ZNF365: variants seen among roughly 807,000 people sequenced by gnomAD.
The protein encoded by ZNF365 is protein ZNF365.
Under a neutral mutation model 35.0 loss-of-function variants are expected in ZNF365, and 22 were observed. The observed-to-expected ratio is 0.63, with a 90% confidence interval of 0.45 to 0.90. ZNF365 has a LOEUF of 0.90. ZNF365 is among the 40% of genes least tolerant of loss of function. ZNF365 has a pLI of 0.00. For missense variants in ZNF365, 448 were observed against 500.3 expected, an observed-to-expected ratio of 0.90 and a Z score of 1.00; for synonymous variants, 188 against 196.2, an observed-to-expected ratio of 0.96 and a Z score of 0.35.
At chr10:62,382,487 A>C (rs936279792) in intron 2 of ZNF365, among the ~76,000 whole-genome samples, 1 of 152,188 alleles carries the variant, frequency 6.6e-6, no homozygotes, top group Non-Finnish European at 1.5e-5. Context: ...AACCCAGGAA[A>C]GTTTTCAATT....
chr10:62,440,025 C>T (rs1840470452), intron 3 of ZNF365, among the ~76,000 whole-genome samples: 1 of 152,126 alleles, frequency 6.6e-6, no homozygotes, highest in Non-Finnish European at 1.5e-5. Context: ...TGAAATTAGT[C>T]TCATATGCTT....
chr10:62,376,228 C>T lies in ZNF365; in HGVS notation c.35C>T (p.Pro12Leu), dbSNP rs770470037. 1 of 1,614,094 alleles carries T rather than the reference C, an allele frequency of 6.2e-7. No individual in the cohort carries two copies. Among genetic ancestry groups the T allele is most frequent in the Non-Finnish European group, 8.5e-7 (1 of 1,180,022 alleles). ...AAGGCTTTTGAGGAAAGCAGATATCCCTGGCAGGAGTCCTTTGAGAATGTT... is the reference window on the plus strand; with the variant it reads ...AAGGCTTTTGAGGAAAGCAGATATCTCTGGCAGGAGTCCTTTGAGAATGTT... ...QQKAFEESRY[P>L]WQESFENVAV... Residue 12 changes from proline to leucine, a missense_variant, in exon 2 of 5, where the codon CCC (proline) becomes CTC (leucine). Physicochemically the swap from Pro to Leu is moderately conservative, Grantham distance 98 (BLOSUM62 -3). This residue lies in a region of ZNF365 where 76 missense variants were observed against 96.7 expected (regional missense o/e 0.79). Coordinates refer to ENST00000395254, the MANE Select transcript of ZNF365 (RefSeq NM_014951.3).
Position 62,464,129 on chromosome 10 carries a change from A to C in ZNF365, c.981+4332A>C, listed in dbSNP as rs1414417894. Among the ~76,000 whole-genome samples, 2 of 152,192 alleles carry C rather than the reference A, an allele frequency of 1.3e-5. 1 individual carries two copies. Among genetic ancestry groups the C allele is most frequent in the East Asian group, 3.8e-4 (2 of 5,196 alleles). ...AGAGATAAATACATGTGTAAGCCTC[A>C]CCTGTAGGGTGAGCATTATAATGAC... On this transcript the variant is annotated intron_variant, in intron 4 of 4. Coordinates refer to the ZNF365 transcript ENST00000395255.
intron 3 of ZNF365, among the ~76,000 whole-genome samples, chr10:62,410,837 T>C (rs548824122): frequency 1.3e-5 from 2 of 152,250 alleles, no homozygotes; most frequent in South Asian, 2.1e-4. Flanking sequence ...TTCTAGATCT[T>C]TGAGAAATGA....
rs1873687 is a variant in ZNF365, at chr10:62,377,116, C to T, written c.743+180C>T. On this transcript the variant is annotated intron_variant, in intron 2 of 4. Coordinates refer to ENST00000395254, the MANE Select transcript of ZNF365 (RefSeq NM_014951.3). The stretch of plus-strand genomic sequence containing the variant: ...TGATATCATTTACCCTCTGTGTGCA[C>T]GGTCTGCAACCTAGCAGCATTAAAG... Among the ~76,000 whole-genome samples the T allele has an allele frequency of 0.55, 83,566 of 152,094 alleles. 25,001 individuals carry two copies. The highest frequency in any genetic ancestry group is 0.78 in the East Asian group (4,057 of 5,174).
chr10:62,405,744 G>A (rs1414525795), downstream of ZNF365, among the ~76,000 whole-genome samples: 1 of 152,180 alleles, frequency 6.6e-6, no homozygotes, highest in Non-Finnish European at 1.5e-5. Flanking sequence ...GCATATGTTT[G>A]TGGACATTTC....
chr10:62,409,010 C>T (rs1340249718), intron 3 of ZNF365, among the ~76,000 whole-genome samples: 1 of 152,200 alleles, frequency 6.6e-6, no homozygotes, highest in Non-Finnish European at 1.5e-5. Context: ...AAACCCCCTT[C>T]TTGTGACTGC....
intron 3 of ZNF365, among the ~76,000 whole-genome samples, chr10:62,395,278 C>T (rs924734517): frequency 2.3e-4 from 35 of 151,874 alleles, no homozygotes; most frequent in African/African-American, 7.5e-4. Context: ...ATATCAAAGA[C>T]GTGGCTTCTT....
intron 3 of ZNF365, among the ~76,000 whole-genome samples, chr10:62,418,140 G>A (rs1202673412): frequency 6.6e-6 from 1 of 151,770 alleles, no homozygotes. Flanking sequence ...TTACTATCAG[G>A]AATAATTTTA....
At chr10:62,406,792 AGTCT>A (rs777595220), downstream of ZNF365, among the ~76,000 whole-genome samples, 1 of 152,206 alleles carries the variant, frequency 6.6e-6, no homozygotes, top group African/African-American at 2.4e-5. Flanking sequence ...TTTCTTGGCC[AGTCT>A]GTCTCCCATT....
chr10:62,417,660 C>T (rs1840095794), intron 3 of ZNF365, among the ~76,000 whole-genome samples: 1 of 92,154 alleles, frequency 1.1e-5, no homozygotes, highest in African/African-American at 3.3e-5. Context: ...TCTTTAATCT[C>T]CTGTCTTTTT....
rs144307704 is a variant in ZNF365, at chr10:62,400,682, G to T, written c.*893G>T. ...CCATCCTGGAAGCACTGCGGGTGTC[G>T]CCAAGCCCTTTCCTAAGACCTGCTT... On this transcript the variant is annotated 3_prime_UTR_variant, in exon 5 of 5. Transcript: ENST00000395254. 2.0e-6 allele frequency: 2 copies of T among 985,526 alleles called. No homozygotes were observed. The highest frequency in any genetic ancestry group is 2.4e-6 in the Non-Finnish European group (2 of 830,024). 61.0% of individuals were successfully genotyped at this position (985,526 alleles called of 1,614,324 possible). A position where few individuals can be genotyped will look rare whatever the true frequency, so the allele number is the denominator to read the frequency against.
chr10:62,408,923 ATCT>A (rs1415451837), intron 3 of ZNF365, among the ~76,000 whole-genome samples: 1 of 151,990 alleles, frequency 6.6e-6, no homozygotes, highest in Non-Finnish European at 1.5e-5. Context: ...AGCGTCTCTG[ATCT>A]TCTTTTCTTG....
At chr10:62,472,176 T>C (rs1841052721) in intron 4 of ZNF365, among the ~76,000 whole-genome samples, 1 of 152,218 alleles carries the variant, frequency 6.6e-6, no homozygotes, top group Admixed American at 6.5e-5. Context: ...CCATGTGGTG[T>C]CATCCCACTG....
At chr10:62,472,572 G>C (rs1414629879) in intron 4 of ZNF365, among the ~76,000 whole-genome samples, 1 of 152,112 alleles carries the variant, frequency 6.6e-6, no homozygotes, top group East Asian at 1.9e-4. Context: ...TGAGGAGAGG[G>C]GCCTGTGACA....
chr10:62,412,698 GA>G, intron 3 of ZNF365, among the ~76,000 whole-genome samples: 1 of 151,992 alleles, frequency 6.6e-6, no homozygotes, highest in Non-Finnish European at 1.5e-5. Context: ...ACAAGAATAG[GA>G]ATACAGCTAA....
At chr10:62,465,375 TGGA>T (rs1190621664) in intron 4 of ZNF365, among the ~76,000 whole-genome samples, 5 of 152,034 alleles carry the variant, frequency 3.3e-5, no homozygotes, top group Non-Finnish European at 7.4e-5. Flanking sequence ...CTGGGCGCTG[TGGA>T]TGGCACGTTG....
At chr10:62,433,757 T>C (rs964349516) in intron 3 of ZNF365, among the ~76,000 whole-genome samples, 3 of 152,150 alleles carry the variant, frequency 2.0e-5, no homozygotes, top group African/African-American at 7.2e-5. Flanking sequence ...TTAAAAAAAA[T>C]GTTTTCACAA....
In ZNF365 at chr10:62,399,512, C is replaced by T. The variant is rs759244919; in HGVS notation, c.963-16C>T. The T allele has an allele frequency of 6.2e-6, 10 of 1,613,182 alleles. No homozygotes were observed. The highest frequency in any genetic ancestry group is 8.5e-6 in the Non-Finnish European group (10 of 1,179,326). Reference sequence around the variant, plus strand: ...CTGCTCATCTCTTCTCCACTCCCCCCTCCAACCCTCTGTAGAAGCCGAGGG... The same window carrying T: ...CTGCTCATCTCTTCTCCACTCCCCCTTCCAACCCTCTGTAGAAGCCGAGGG... On this transcript the variant is annotated splice_polypyrimidine_tract_variant and intron_variant, in intron 4 of 4. Coordinates refer to ENST00000395254, the MANE Select transcript of ZNF365 (RefSeq NM_014951.3).
Sources: allele counts gnomAD v4.1 joint callset (sites outside exome capture counted in the v4.1 genomes callset), GRCh38; gene constraint gnomAD v4.1.1; regional missense constraint gnomAD v4.1.1; transcripts MANE v1.5; gene names NCBI Gene and HGNC (gene_info 2026-07-23, HGNC 2026-07-21).